The following SLFN11 variants were observed in gnomAD, a reference collection of about 807,000 sequenced individuals.
The protein encoded by SLFN11 is schlafen family member 11.
A neutral mutation model predicts 53.4 loss-of-function variants in SLFN11; 43 were observed. That is an observed-to-expected ratio of 0.80 (90% CI 0.63 to 1.04). The LOEUF (loss-of-function observed/expected upper bound fraction) is 1.04. Ranked by LOEUF, SLFN11 falls within the 50% of genes least tolerant of loss-of-function variation. The probability of loss-of-function intolerance (pLI) is 0.00; values close to 1 mark genes in which losing one functional copy is unlikely to be tolerated. For synonymous variants in SLFN11, 389 were observed against 394.7 expected (o/e 0.99, Z 0.17); for missense variants, 990 against 1,079.1 (o/e 0.92, Z 1.16).
chr17:35,358,014 G>T (rs1435417616), intron 5 of SLFN11, among the ~76,000 whole-genome samples: 1 of 148,024 alleles, frequency 6.8e-6, no homozygotes. Context: ...TTTATGTTTA[G>T]ATTTAAATAA....
chr17:35,369,994 T>C (rs2141992185), intron 1 of SLFN11, among the ~76,000 whole-genome samples: 1 of 152,188 alleles, frequency 6.6e-6, no homozygotes, highest in South Asian at 2.1e-4. Flanking sequence ...AAGGAGGGAA[T>C]ACTTACAAAC....
At chr17:35,365,303 T>C (rs1049845709) in intron 3 of SLFN11, among the ~76,000 whole-genome samples, 1 of 152,106 alleles carries the variant, frequency 6.6e-6, no homozygotes, top group Non-Finnish European at 1.5e-5. Flanking sequence ...AAATATTTTT[T>C]GCGTGTGAGA....
In SLFN11 at chr17:35,363,534, C is replaced by T. The variant is rs151310744; in HGVS notation, c.274G>A (p.Ala92Thr). The T allele has an allele frequency of 2.2e-5, 36 of 1,614,004 alleles. No individual in the cohort carries two copies. In the African/African-American group the frequency reaches 4.1e-4, roughly 19 times the overall value. The change falls in exon 4 of 7, where the codon GCT becomes ACT. Residue 92 changes from alanine (A) to threonine (T), a missense_variant. This residue lies in a region of SLFN11 where 521 missense variants were observed against 516.2 expected (regional missense o/e 1.01). Coordinates refer to ENST00000685675, the MANE Select transcript of SLFN11 (RefSeq NM_001376007.1). ...CCTTGTTGCTTGGTCTCAAAGAAAG[C>T]CTGCAGATCTGAAGACTGAATAAGC... ...RELIQSSDLQ[A>T]FFETKQQGRC...
In SLFN11 at chr17:35,353,902, C is replaced by T. The variant is rs554288625; in HGVS notation, c.1356G>A (p.Gln452=). The part of the protein sequence containing the change: ...SRSWAVDLNL[Q]EKPGVICDAL... ...CATCACAGATGACTCCTGGCTTCTC[C>T]TGCAAGTTCAGGTCCACAGCCCAAC... Residue 452 remains glutamine, a synonymous_variant, in exon 6 of 7, where the codon CAG becomes CAA. Transcript: ENST00000685675. The T allele has an allele frequency of 3.1e-6, 5 of 1,613,830 alleles. No homozygotes were observed. In the African/African-American group the frequency reaches 6.7e-5, roughly 22 times the overall value.
chr17:35,361,999 G>T (rs1265855154), intron 4 of SLFN11, among the ~76,000 whole-genome samples: 1 of 151,992 alleles, frequency 6.6e-6, no homozygotes, highest in Non-Finnish European at 1.5e-5. Context: ...CTCCCAAAAT[G>T]CTGGGATTAG....
At chr17:35,359,168 G>A (rs1907885518) in intron 5 of SLFN11, among the ~76,000 whole-genome samples, 1 of 151,806 alleles carries the variant, frequency 6.6e-6, no homozygotes. Context: ...TTCCTCTATG[G>A]GCATATAGCC....
intron 3 of SLFN11, among the ~76,000 whole-genome samples, chr17:35,366,453 A>AT (rs564867756): frequency 1.3e-5 from 2 of 151,536 alleles, no homozygotes; most frequent in African/African-American, 2.4e-5. Flanking sequence ...TTTGAAAATT[A>AT]TTTTTTTTAA....
At chr17:35,361,513 G>A (rs901318702) in intron 4 of SLFN11, among the ~76,000 whole-genome samples, 16 of 151,914 alleles carry the variant, frequency 1.1e-4, no homozygotes, top group African/African-American at 3.6e-4. Flanking sequence ...CCATGCTGGG[G>A]TGCATTGCTG....
At chr17:35,354,133 C>A in intron 5 of SLFN11, 74 bp from the exon 6 acceptor site, 1 of 1,286,136 alleles carries the variant, frequency 7.8e-7, no homozygotes, top group Non-Finnish European at 1.0e-6. Flanking sequence ...TTATAATTAA[C>A]TAATTGATTA....
Position 35,373,474 on chromosome 17 carries a change from CTGGCACTCGAG to C in SLFN11, c.-246_-236del, listed in dbSNP as rs1156271846. 2 of 151,830 alleles carry C rather than the reference CTGGCACTCGAG, an allele frequency of 1.3e-5. No homozygotes were observed. The highest frequency in any genetic ancestry group is 2.9e-5 in the Non-Finnish European group (2 of 67,988). 9.4% of individuals were successfully genotyped at this position (151,830 alleles called of 1,614,324 possible). A position where few individuals can be genotyped will look rare whatever the true frequency, so the allele number is the denominator to read the frequency against. On this transcript the variant is annotated splice_region_variant and 5_prime_UTR_variant, in exon 1 of 7. Coordinates refer to ENST00000685675, the MANE Select transcript of SLFN11 (RefSeq NM_001376007.1). ...GAAGGGTGCTGCTCCCTTCTCGAAC[CTGGCACTCGAG>C]TTACAGCCCGACGCGGATTCGGCTG... is the stretch of plus-strand genomic sequence containing the variant.
chr17:35,361,423 A>G (rs190441367), intron 4 of SLFN11, among the ~76,000 whole-genome samples: 79 of 152,164 alleles, frequency 5.2e-4, no homozygotes, highest in African/African-American at 1.9e-3. Context: ...CAAACCTTGA[A>G]TACACCCCTA....
In SLFN11 at chr17:35,353,676, C is replaced by G; in HGVS notation, c.1582G>C (p.Ala528Pro). 1 of 1,248,458 alleles carries G rather than the reference C, an allele frequency of 8.0e-7. No homozygotes were observed. The highest frequency in any genetic ancestry group is 1.1e-6 in the Non-Finnish European group (1 of 929,344). The allele number at this position is 1,248,458 out of a possible 1,614,324, so 77.3% of individuals were successfully genotyped here. ...SPESSAEALE[A>P]AVSPMDYPAS... ...GGGTAATCCATCGGAGACACTGCAG[C>G]CTCCAAGGCCTCTGCGCTGCTCTCA... The change falls in exon 6 of 7, where the codon GCT becomes CCT. Residue 528 changes from alanine (A) to proline (P), a missense_variant. Around this residue, in one of 3 missense-constraint regions of SLFN11, gnomAD observed 156 missense variants for 241.9 expected, o/e 0.64. Transcript: ENST00000685675.
intron 3 of SLFN11, among the ~76,000 whole-genome samples, chr17:35,366,261 C>CA (rs1908943138): frequency 6.6e-6 from 1 of 151,546 alleles, no homozygotes; most frequent in African/African-American, 2.4e-5. Context: ...TTATAGGTCT[C>CA]AATAAGGGAA....
At position 35,352,868 on chromosome 17, in the gene SLFN11, G is replaced by T. The variant is rs200734680; in HGVS notation, c.2194C>A (p.Arg732Ser). Residue 732 changes from arginine (R) to serine (S), a missense_variant, in exon 7 of 7, where the codon CGC becomes AGC. Physicochemically the swap from Arg to Ser is moderately radical, Grantham distance 110. Transcript: ENST00000685675. ...TACTTGGCTATTGGATCTGCATTGC[G>T]AACTATTCTGGTGAGCTCTTCTCTT... is the stretch of plus-strand genomic sequence containing the variant. ...YPREELTRIV[R>S]NADPIAKYLQ... 5.6e-6 allele frequency: 9 copies of T among 1,614,142 alleles called. No individual in the cohort carries two copies. In the African/African-American group the frequency reaches 9.3e-5, roughly 17 times the overall value.
In SLFN11 at chr17:35,363,056, T is replaced by C. The variant is rs1237888711; in HGVS notation, c.752A>G (p.Asp251Gly). ...TCCCAGGACTTCCCTACTCTTATCA[T>C]CCACTCCAATAAAAAGATAGCCTCC... ...TGGGYLFIGVDDKSREVLGCA... is the reference protein window; with the variant it reads ...TGGGYLFIGVGDKSREVLGCA... The change falls in exon 4 of 7, where the codon GAT (aspartate) becomes GGT (glycine). Residue 251 changes from aspartate to glycine, a missense_variant. Asp to Gly is a moderately conservative substitution (Grantham distance 94). This residue lies in a region of SLFN11 where 521 missense variants were observed against 516.2 expected (regional missense o/e 1.01). Transcript: ENST00000685675. 1 of 1,613,896 alleles carries C rather than the reference T, an allele frequency of 6.2e-7. No individual in the cohort carries two copies. Among genetic ancestry groups the C allele is most frequent in the African/African-American group, 1.3e-5 (1 of 74,894 alleles).
Position 35,352,404 on chromosome 17 carries a change from A to T in SLFN11, c.2658T>A (p.Ala886=). The part of the protein sequence containing the change: ...AILPNVLICL[A]SRAKQHLYIF... ...TATACAGGTGTTGTTTTGCCCTGGA[A>T]GCCAGACAGATCAGAACATTGGGTA... Residue 886 remains alanine, a synonymous_variant, in exon 7 of 7, where the codon GCT becomes GCA. Transcript: ENST00000685675. The T allele has an allele frequency of 6.2e-7, 1 of 1,614,220 alleles. No homozygotes were observed. Among genetic ancestry groups the T allele is most frequent in the Non-Finnish European group, 8.5e-7 (1 of 1,180,034 alleles).
Position 35,363,246 on chromosome 17 carries a change from C to T in SLFN11, c.562G>A (p.Asp188Asn), listed in dbSNP as rs1908487341. Reference protein sequence around the residue: ...PNSDPADPNSDPADLIFQKDY... With the variant: ...PNSDPADPNSNPADLIFQKDY... ...TTTTGGAAAATTAGGTCAGCAGGAT[C>T]CGAGTTTGGGTCAGCAGGATCCGAG... The change falls in exon 4 of 7, where the codon GAT (aspartate) becomes AAT (asparagine). Residue 188 changes from aspartate to asparagine, a missense_variant. By Grantham distance (23) the Asp-to-Asn change is conservative. Transcript: ENST00000685675. 6.2e-7 allele frequency: 1 copy of T among 1,613,862 alleles called. No homozygotes were observed.
chr17:35,350,863 A>C lies in SLFN11; in HGVS notation c.*1493T>G, dbSNP rs1567812187. On this transcript the variant is annotated 3_prime_UTR_variant, in exon 7 of 7. Coordinates refer to ENST00000685675, the MANE Select transcript of SLFN11 (RefSeq NM_001376007.1). The stretch of plus-strand genomic sequence containing the variant: ...CAATAAGTGAAATATTGGTCATATG[A>C]TTTCTTAGTTTCCATTAGTTATGCA... 6.6e-6 allele frequency: 1 copy of C among 152,334 alleles called. No homozygotes were observed. Among genetic ancestry groups the C allele is most frequent in the East Asian group, 1.9e-4 (1 of 5,188 alleles). 9.4% of individuals were successfully genotyped at this position (152,334 alleles called of 1,614,324 possible).
chr17:35,373,097 A>C (rs1368026095), intron 1 of SLFN11, among the ~76,000 whole-genome samples: 1 of 152,060 alleles, frequency 6.6e-6, no homozygotes, highest in East Asian at 1.9e-4. Context: ...GAAACCTGAG[A>C]TCTGCAGCCC....
Sources: allele counts gnomAD v4.1 joint callset (sites outside exome capture counted in the v4.1 genomes callset), GRCh38; gene constraint gnomAD v4.1.1; regional missense constraint gnomAD v4.1.1; transcripts MANE v1.5; gene names NCBI Gene and HGNC (gene_info 2026-07-23, HGNC 2026-07-21).